ACYP2: variants seen among roughly 807,000 people sequenced by gnomAD.
The protein encoded by ACYP2 is acylphosphatase-2.
ACYP2 carries 12 observed loss-of-function variants against 11.2 expected under a neutral mutation model. That is an observed-to-expected ratio of 1.08 (90% confidence interval 0.69 to 1.74). ACYP2 has a LOEUF of 1.74. Ranked by LOEUF, ACYP2 falls within the 40% of genes most tolerant of loss-of-function variation. The probability of loss-of-function intolerance (pLI) is 0.00; values close to 1 mark genes in which losing one functional copy is unlikely to be tolerated. For missense variants in ACYP2, 134 were observed against 101.9 expected, an observed-to-expected ratio of 1.31 and a Z score of -1.35; for synonymous variants, 43 against 32.2, an observed-to-expected ratio of 1.33 and a Z score of -1.13.
chr2:54,163,136 C>T (rs559115467), intron 6 of ACYP2, among the ~76,000 whole-genome samples: 12 of 152,290 alleles, frequency 7.9e-5, no homozygotes, highest in African/African-American at 2.6e-4. Flanking sequence ...AACAAACTCC[C>T]AAACAGTATG....
intron 6 of ACYP2, among the ~76,000 whole-genome samples, chr2:54,172,753 G>A (rs1683270801): frequency 1.3e-5 from 2 of 152,158 alleles, no homozygotes; most frequent in Non-Finnish European, 2.9e-5. Context: ...GTGTCCATGT[G>A]TTCTTACTGT....
At chr2:54,120,493 G>C (rs1300680435) in intron 4 of ACYP2, among the ~76,000 whole-genome samples, 2 of 152,172 alleles carry the variant, frequency 1.3e-5, no homozygotes, top group African/African-American at 2.4e-5. Flanking sequence ...GTGACTATCT[G>C]TTGGTATACA....
At chr2:54,235,668 T>G (rs1686445811) in intron 6 of ACYP2, among the ~76,000 whole-genome samples, 1 of 152,222 alleles carries the variant, frequency 6.6e-6, no homozygotes, top group Admixed American at 6.5e-5. Context: ...GGGTTTTTTT[T>G]GGAAAGCTTT....
intron 4 of ACYP2, among the ~76,000 whole-genome samples, chr2:54,091,732 G>A (rs1678244211): frequency 6.6e-6 from 1 of 151,944 alleles, no homozygotes; most frequent in South Asian, 2.1e-4. Flanking sequence ...GGCTGGTCTC[G>A]AACTCCTGAT....
chr2:54,150,349 C>T (rs1358483356), intron 6 of ACYP2, among the ~76,000 whole-genome samples: 1 of 152,212 alleles, frequency 6.6e-6, no homozygotes, highest in Admixed American at 6.5e-5. Context: ...GTAGGTCTAA[C>T]TCATCAAATG....
intron 6 of ACYP2, among the ~76,000 whole-genome samples, chr2:54,210,267 C>A (rs1452209897): frequency 2.6e-5 from 4 of 151,794 alleles, no homozygotes; most frequent in Non-Finnish European, 5.9e-5. Context: ...GAAATAGATC[C>A]CATCCTCTTT....
intron 4 of ACYP2, among the ~76,000 whole-genome samples, chr2:54,072,199 A>G (rs1224735116): frequency 6.6e-6 from 1 of 152,228 alleles, no homozygotes; most frequent in African/African-American, 2.4e-5. Flanking sequence ...ATGGAAAGAC[A>G]TCCCATGTTC....
intron 2 of ACYP2, among the ~76,000 whole-genome samples, chr2:53,984,054 G>A (rs553769985): frequency 6.6e-6 from 1 of 152,232 alleles, no homozygotes; most frequent in Non-Finnish European, 1.5e-5. Context: ...TTAGAAAGAT[G>A]ACTCTGGGCA....
At chr2:54,256,132 G>C in intron 6 of ACYP2, 1 of 1,613,364 alleles carries the variant, frequency 6.2e-7, no homozygotes, top group South Asian at 1.1e-5. Flanking sequence ...GGGGCTGTGA[G>C]GACTCTCCGG....
intron 6 of ACYP2, among the ~76,000 whole-genome samples, chr2:54,272,416 G>C (rs969144922): frequency 2.0e-5 from 3 of 152,098 alleles, no homozygotes; most frequent in Non-Finnish European, 4.4e-5. Flanking sequence ...GCCTGCATCT[G>C]TGTCTTGTGC....
chr2:54,205,927 CT>C (rs1423381199), intron 6 of ACYP2, among the ~76,000 whole-genome samples: 1 of 151,996 alleles, frequency 6.6e-6, no homozygotes, highest in East Asian at 1.9e-4. Flanking sequence ...ACATAAATTC[CT>C]TTTTTGAGTG....
At chr2:54,102,097 G>A (rs2103703326) in intron 4 of ACYP2, among the ~76,000 whole-genome samples, 1 of 152,148 alleles carries the variant, frequency 6.6e-6, no homozygotes, top group East Asian at 1.9e-4. Flanking sequence ...TCCCTCAAAT[G>A]TATATAATTT....
chr2:54,140,525 C>CTG (rs1558563919), intron 6 of ACYP2, among the ~76,000 whole-genome samples: 1 of 21,160 alleles, frequency 4.7e-5, no homozygotes, highest in East Asian at 2.8e-3. Context: ...CACATTCTCT[C>CTG]TCTCACACAC....
chr2:54,168,563 G>A (rs1683101937), intron 6 of ACYP2, among the ~76,000 whole-genome samples: 1 of 152,160 alleles, frequency 6.6e-6, no homozygotes, highest in Admixed American at 6.5e-5. Context: ...ATTACCAAGA[G>A]AAGTGTTACT....
intron 6 of ACYP2, among the ~76,000 whole-genome samples, chr2:54,298,649 G>A (rs1689611388): frequency 6.6e-6 from 1 of 152,220 alleles, no homozygotes; most frequent in South Asian, 2.1e-4. Flanking sequence ...TGGGCATGAA[G>A]GTGGGGCTAA....
At chr2:53,974,440 AT>A (rs931233488) in intron 2 of ACYP2, among the ~76,000 whole-genome samples, 1 of 152,260 alleles carries the variant, frequency 6.6e-6, no homozygotes, top group Admixed American at 6.5e-5. Context: ...TATAGTTTCT[AT>A]TTTTTCCTAT....
At chr2:54,072,238 G>T (rs1201331922) in intron 4 of ACYP2, among the ~76,000 whole-genome samples, 2 of 152,110 alleles carry the variant, frequency 1.3e-5, no homozygotes, top group African/African-American at 4.8e-5. Context: ...CATTAAGATG[G>T]TAATATTTTC....
rs1358575765 is a variant in ACYP2, at chr2:54,044,584, C to A, written c.63-6374C>A. ...TCTGGGCAACAGAGTAAGACGCTGT[C>A]CCCCACTCCTGCCCGCCCCTCTCAA... On this transcript the variant is annotated intron_variant, in intron 2 of 6. Transcript: ENST00000607452. 5.3e-5 allele frequency among the ~76,000 whole-genome samples: 8 copies of A among 151,946 alleles called. 2 individuals are homozygous for A. Among genetic ancestry groups the A allele is most frequent in the Admixed American group, 4.6e-4 (7 of 15,236 alleles).
chr2:54,147,650 G>A (rs145799818), intron 6 of ACYP2, among the ~76,000 whole-genome samples: 3 of 152,138 alleles, frequency 2.0e-5, no homozygotes, highest in Non-Finnish European at 2.9e-5. Flanking sequence ...TCAGCCTCCC[G>A]AGTAGCTAGG....
Sources: gnomAD v4.1 joint callset for allele counts (sites outside exome capture counted in the v4.1 genomes callset) on GRCh38, gnomAD v4.1.1 for gene constraint, MANE v1.5 for transcripts, NCBI Gene and HGNC (gene_info 2026-07-23, HGNC 2026-07-21) for gene names.